CDH12: variants seen among roughly 807,000 people sequenced by gnomAD.
The protein encoded by CDH12 is cadherin-12.
CDH12 carries 41 observed loss-of-function variants against 74.1 expected under a neutral mutation model. That is an observed-to-expected ratio of 0.55 (90% CI 0.43 to 0.72). CDH12 has a LOEUF of 0.72. CDH12 is among the 30% of genes least tolerant of loss of function. The probability of loss-of-function intolerance (pLI) is 0.00; values close to 1 mark genes in which losing one functional copy is unlikely to be tolerated. For synonymous variants in CDH12, 399 were observed against 355.0 expected (o/e 1.12, Z -1.39); for missense variants, 945 against 977.2 (o/e 0.97, Z 0.44).
chr5:21,883,433 A>G, intron 6 of CDH12: 1 of 1,591,592 alleles, frequency 6.3e-7, no homozygotes, highest in Non-Finnish European at 8.6e-7. Context: ...TTGATGGAGA[A>G]GCTCTAAGTA....
intron 2 of CDH12, among the ~76,000 whole-genome samples, chr5:22,462,443 A>T (rs1214628192): frequency 6.6e-6 from 1 of 152,164 alleles, no homozygotes; most frequent in Non-Finnish European, 1.5e-5. Context: ...AGTTAAGAGG[A>T]GAGTTTCCAT....
At position 22,378,875 on chromosome 5, in the gene CDH12, T is replaced by C. The variant is rs182831977; in HGVS notation, c.-333+26382A>G. Among the ~76,000 whole-genome samples the C allele has an allele frequency of 3.8e-3, 576 of 152,232 alleles. 1 individual carries two copies. The highest frequency in any genetic ancestry group is 6.7e-3 in the Non-Finnish European group (457 of 67,948). ...AGGTCATAAAGTATAATGCCTTATA[T>C]ATGCCTATGGCTTGATGAATAATTT... is the stretch of plus-strand genomic sequence containing the variant. On this transcript the variant is annotated intron_variant, in intron 3 of 14. Transcript: ENST00000382254.
intron 1 of CDH12, among the ~76,000 whole-genome samples, chr5:22,704,472 G>A (rs1002406642): frequency 4.6e-5 from 7 of 152,010 alleles, no homozygotes; most frequent in Non-Finnish European, 8.8e-5. Flanking sequence ...AAATATTAGG[G>A]TTATATCACT....
At chr5:22,713,049 C>A (rs966159283) in intron 1 of CDH12, among the ~76,000 whole-genome samples, 1 of 150,016 alleles carries the variant, frequency 6.7e-6, no homozygotes, top group Non-Finnish European at 1.5e-5. Context: ...TCAGAGAATA[C>A]TTAACGATTA....
At position 21,934,805 on chromosome 5, in the gene CDH12, G is replaced by C. The variant is rs543019767; in HGVS notation, c.526+40286C>G. ...ATTCTTCCTTTTCTCCTTTTTTTTT[G>C]ACACGGAGTATCCCTCTGTCACCCA... On this transcript the variant is annotated intron_variant, in intron 6 of 14. Transcript: ENST00000382254. Among the ~76,000 whole-genome samples the C allele has an allele frequency of 4.1e-4, 61 of 147,554 alleles. 1 individual carries two copies. The highest frequency in any genetic ancestry group is 1.1e-3 in the South Asian group (5 of 4,648).
intron 2 of CDH12, among the ~76,000 whole-genome samples, chr5:22,458,245 C>T (rs1745367891): frequency 6.6e-6 from 1 of 152,126 alleles, no homozygotes; most frequent in African/African-American, 2.4e-5. Flanking sequence ...TTGGTAGATG[C>T]ATAACTCCAA....
intron 3 of CDH12, among the ~76,000 whole-genome samples, chr5:22,238,336 AATCT>A (rs1400874612): frequency 1.3e-5 from 2 of 152,178 alleles, no homozygotes; most frequent in African/African-American, 2.4e-5. Flanking sequence ...AGTATTGGTC[AATCT>A]ATCTTTTTTC....
intron 1 of CDH12, among the ~76,000 whole-genome samples, chr5:22,831,289 A>G (rs1323718716): frequency 6.6e-6 from 1 of 151,994 alleles, no homozygotes; most frequent in Non-Finnish European, 1.5e-5. Flanking sequence ...TTAGTGAAAG[A>G]GAATTGAGAT....
intron 4 of CDH12, among the ~76,000 whole-genome samples, chr5:22,108,238 T>C (rs1359575736): frequency 1.3e-5 from 2 of 152,184 alleles, no homozygotes; most frequent in African/African-American, 4.8e-5. Context: ...GCACAAGCCT[T>C]CTTGCGGGCT....
chr5:22,204,763 T>C (rs1325270046), intron 4 of CDH12, among the ~76,000 whole-genome samples: 7 of 152,356 alleles, frequency 4.6e-5, no homozygotes, highest in African/African-American at 1.7e-4. Context: ...GTGATTTCCA[T>C]TAGGAGCTAA....
intron 5 of CDH12, among the ~76,000 whole-genome samples, chr5:22,067,877 C>A (rs1741677238): frequency 6.6e-6 from 1 of 152,142 alleles, no homozygotes; most frequent in South Asian, 2.1e-4. Context: ...ACTCAGGAGG[C>A]TGAGGCAGAA....
Position 22,512,654 on chromosome 5 carries a change from T to C in CDH12, c.-522-7290A>G, listed in dbSNP as rs1736659819. 2.6e-5 allele frequency among the ~76,000 whole-genome samples: 4 copies of C among 152,304 alleles called. No homozygotes were observed. In the South Asian group the frequency reaches 6.2e-4, roughly 24 times the overall value. ...GCATAGACATACATCTTGTTTCCAA[T>C]GCCCCTACGATAATGAAAAGGATTT... On this transcript the variant is annotated intron_variant, in intron 1 of 14. Transcript: ENST00000382254.
intron 3 of CDH12, among the ~76,000 whole-genome samples, chr5:22,279,891 C>A (rs1468911989): frequency 6.6e-6 from 1 of 152,076 alleles, no homozygotes; most frequent in South Asian, 2.1e-4. Flanking sequence ...GGTATATACC[C>A]GGTAATGGGA....
chr5:21,966,344 C>A (rs1756585286), intron 6 of CDH12, among the ~76,000 whole-genome samples: 1 of 151,964 alleles, frequency 6.6e-6, no homozygotes, highest in African/African-American at 2.4e-5. Flanking sequence ...CTTTGCAGGC[C>A]ATATGGTCTC....
chr5:22,792,086 CTTT>C lies in CDH12; in HGVS notation c.-523+60969_-523+60971del, dbSNP rs757562010. On this transcript the variant is annotated intron_variant, in intron 1 of 14. Coordinates refer to ENST00000382254, the MANE Select transcript of CDH12 (RefSeq NM_004061.5). Reference sequence around the variant, plus strand: ...GCAGAAAGGATATCATGAACTAGGGCTTTTTTTTTTTTTTTTTTGAGATGGAGT... The same window carrying C: ...GCAGAAAGGATATCATGAACTAGGGCTTTTTTTTTTTTTTTGAGATGGAGT... Among the ~76,000 whole-genome samples, 35 of 125,374 alleles carry C rather than the reference CTTT, an allele frequency of 2.8e-4. No individual in the cohort carries two copies. The East Asian group carries it at 4.5e-3, about 16-fold the overall frequency. The allele number at this position is 125,374 out of a possible 152,430, so 82.3% of individuals were successfully genotyped here. A position where few individuals can be genotyped will look rare whatever the true frequency, so the allele number is the denominator to read the frequency against.
At chr5:22,247,715 T>C (rs1411519830) in intron 3 of CDH12, among the ~76,000 whole-genome samples, 1 of 151,926 alleles carries the variant, frequency 6.6e-6, no homozygotes, top group Admixed American at 6.6e-5. Flanking sequence ...TAACTTTGAG[T>C]TATAGCTTTT....
intron 3 of CDH12, among the ~76,000 whole-genome samples, chr5:22,303,169 G>A (rs1017107056): frequency 6.6e-6 from 1 of 151,998 alleles, no homozygotes; most frequent in Admixed American, 6.6e-5. Context: ...ATTGAGAAAG[G>A]AGCACTTTAA....
chr5:22,701,810 A>G (rs1427058266), intron 1 of CDH12, among the ~76,000 whole-genome samples: 1 of 152,072 alleles, frequency 6.6e-6, no homozygotes, highest in Non-Finnish European at 1.5e-5. Context: ...TACCCACCCA[A>G]CTTTGTAAAT....
chr5:22,267,826 G>T (rs560360430), intron 3 of CDH12, among the ~76,000 whole-genome samples: 1 of 152,150 alleles, frequency 6.6e-6, no homozygotes, highest in Admixed American at 6.6e-5. Flanking sequence ...TATCAAGGAG[G>T]ACAAAACAAA....
Sources: gnomAD v4.1 joint callset for allele counts (sites outside exome capture counted in the v4.1 genomes callset) on GRCh38, gnomAD v4.1.1 for gene constraint, MANE v1.5 for transcripts, NCBI Gene and HGNC (gene_info 2026-07-23, HGNC 2026-07-21) for gene names.